The following TBC1D4 variants were observed in gnomAD, a reference collection of about 807,000 sequenced individuals.
TBC1D4 encodes the protein TBC1 domain family member 4.
TBC1D4 carries 121 observed loss-of-function variants against 142.5 expected under a neutral mutation model. The ratio of observed to expected loss-of-function variants is 0.85; its 90% CI spans 0.73 to 0.99. TBC1D4 has a LOEUF of 0.99. Ranked by LOEUF, TBC1D4 falls within the 50% of genes least tolerant of loss-of-function variation. TBC1D4 has a pLI of 0.00. For missense variants in TBC1D4, 1,475 were observed against 1,606.6 expected (o/e 0.92, Z 1.40); for synonymous variants, 630 against 628.2 (o/e 1.00, Z -0.04).
chr13:75,364,299 T>A (rs1318535884), intron 1 of TBC1D4, among the ~76,000 whole-genome samples: 1 of 152,322 alleles, frequency 6.6e-6, no homozygotes, highest in East Asian at 1.9e-4. Flanking sequence ...TATTGCCACA[T>A]CCATTTAATA....
intron 7 of TBC1D4, 88 bp downstream of exon 7, chr13:75,341,037 C>G: frequency 8.8e-7 from 1 of 1,130,006 alleles, no homozygotes; most frequent in Non-Finnish European, 1.3e-6. Context: ...AGGACTTTAG[C>G]CCTAAAGAAC....
At chr13:75,341,288 T>A in intron 6 of TBC1D4, 53 bp from the exon 7 acceptor site, 1 of 1,528,066 alleles carries the variant, frequency 6.5e-7, no homozygotes, top group Admixed American at 1.7e-5. Context: ...TTCCCTCCTT[T>A]TATTCTGTCG....
intron 5 of TBC1D4, among the ~76,000 whole-genome samples, chr13:75,348,954 A>AGAGAGTGTGTGTGT (rs969343152): frequency 1.4e-5 from 2 of 139,166 alleles, no homozygotes; most frequent in South Asian, 4.9e-4. Flanking sequence ...AGAGAGAGAG[A>AGAGAGTGTGTGTGT]GTGTGTGTGT....
chr13:75,327,742 AGT>A lies in TBC1D4; in HGVS notation c.1806+8_1806+9del. 6.2e-7 allele frequency: 1 copy of A among 1,613,904 alleles called. No homozygotes were observed. The highest frequency in any genetic ancestry group is 1.1e-5 in the South Asian group (1 of 91,076). On this transcript the variant is annotated splice_region_variant and intron_variant, in intron 9 of 20. Coordinates refer to ENST00000377636, the MANE Select transcript of TBC1D4 (RefSeq NM_014832.5). ...GTTGCAATTAGTGTAAACAAGCTCT[AGT>A]TAGATACCTTCTCTGAAGCAAGACT... is the stretch of plus-strand genomic sequence containing the variant.
chr13:75,466,763 C>T (rs146885574), intron 1 of TBC1D4, among the ~76,000 whole-genome samples: 7,600 of 151,786 alleles, frequency 0.05, 367 homozygotes, highest in East Asian at 0.23. Flanking sequence ...CCAAGCAACT[C>T]GGGAGGCTGA....
At chr13:75,294,572 ACT>A (rs1875690673) in intron 18 of TBC1D4, among the ~76,000 whole-genome samples, 2 of 152,158 alleles carry the variant, frequency 1.3e-5, no homozygotes, top group East Asian at 1.9e-4. Flanking sequence ...TTAGGAGTAT[ACT>A]CTCTGATTTT....
intron 1 of TBC1D4, among the ~76,000 whole-genome samples, chr13:75,458,971 T>C (rs1344740093): frequency 1.3e-5 from 2 of 152,102 alleles, no homozygotes; most frequent in African/African-American, 4.8e-5. Flanking sequence ...TCTGCCATTC[T>C]TTTGCCTCAA....
intron 1 of TBC1D4, among the ~76,000 whole-genome samples, chr13:75,433,924 T>C (rs1886688468): frequency 6.6e-6 from 1 of 152,156 alleles, no homozygotes; most frequent in Admixed American, 6.6e-5. Context: ...TCAATATCAC[T>C]GATCATTAGA....
At chr13:75,335,748 C>T (rs1410957383) in intron 8 of TBC1D4, among the ~76,000 whole-genome samples, 1 of 152,100 alleles carries the variant, frequency 6.6e-6, no homozygotes, top group Non-Finnish European at 1.5e-5. Flanking sequence ...TGTCTCACTC[C>T]CCCTTTGCCT....
intron 1 of TBC1D4, among the ~76,000 whole-genome samples, chr13:75,371,440 A>C (rs9573531): frequency 0.25 from 37,812 of 152,090 alleles, 5,005 homozygotes; most frequent in African/African-American, 0.34. Flanking sequence ...GCAGAATAGA[A>C]AGGCACAGGT....
intron 5 of TBC1D4, among the ~76,000 whole-genome samples, chr13:75,346,307 C>T (rs535124589): frequency 2.6e-5 from 4 of 152,250 alleles, no homozygotes; most frequent in African/African-American, 9.6e-5. Context: ...GACCCCCACC[C>T]CTTGACAGGC....
In TBC1D4 at chr13:75,481,260, C is replaced by T; in HGVS notation, c.498+10G>A. On this transcript the variant is annotated intron_variant, in intron 1 of 20. Transcript: ENST00000377636. ...GAGCCCGCCCCCGCGCCTCCGAGCC[C>T]CTGTCTTGCCTGGCTGGGGTCTGTG... 1.7e-5 allele frequency: 28 copies of T among 1,612,824 alleles called. No homozygotes were observed. The highest frequency in any genetic ancestry group is 2.4e-5 in the Non-Finnish European group (28 of 1,179,318).
intron 1 of TBC1D4, among the ~76,000 whole-genome samples, chr13:75,472,286 G>A (rs1379348705): frequency 6.6e-6 from 1 of 151,872 alleles, no homozygotes; most frequent in African/African-American, 2.4e-5. Flanking sequence ...GGGTGTGCTG[G>A]CAGGCGCCTG....
chr13:75,332,085 A>G (rs560062004), intron 8 of TBC1D4, among the ~76,000 whole-genome samples: 1 of 152,346 alleles, frequency 6.6e-6, no homozygotes, highest in African/African-American at 2.4e-5. Context: ...ATGTCATTAC[A>G]GCAATTGAAG....
chr13:75,321,669 T>C (rs1878793291), intron 11 of TBC1D4, among the ~76,000 whole-genome samples: 1 of 152,164 alleles, frequency 6.6e-6, no homozygotes, highest in African/African-American at 2.4e-5. Flanking sequence ...AGAGAGCATT[T>C]TGTCCAACAA....
At chr13:75,446,266 T>C (rs1023926904) in intron 1 of TBC1D4, among the ~76,000 whole-genome samples, 6 of 152,232 alleles carry the variant, frequency 3.9e-5, no homozygotes, top group Non-Finnish European at 8.8e-5. Flanking sequence ...AGTGAACTAT[T>C]TTAAATAAAG....
chr13:75,395,801 G>C (rs916677203), intron 1 of TBC1D4, among the ~76,000 whole-genome samples: 1 of 152,196 alleles, frequency 6.6e-6, no homozygotes, highest in Non-Finnish European at 1.5e-5. Flanking sequence ...CTGCACTCCA[G>C]CCTGGGCAAC....
At chr13:75,298,236 C>G (rs2137870072) in intron 17 of TBC1D4, among the ~76,000 whole-genome samples, 1 of 152,260 alleles carries the variant, frequency 6.6e-6, no homozygotes, top group East Asian at 1.9e-4. Context: ...TTAAAGTCTT[C>G]TTTTATATTT....
intron 1 of TBC1D4, among the ~76,000 whole-genome samples, chr13:75,405,265 T>C (rs919946879): frequency 7.6e-6 from 1 of 132,290 alleles, no homozygotes; most frequent in African/African-American, 2.7e-5. Flanking sequence ...TACATGTATA[T>C]ATGCTTTTTT....
Sources: allele counts gnomAD v4.1 joint callset (sites outside exome capture counted in the v4.1 genomes callset), GRCh38; gene constraint gnomAD v4.1.1; transcripts MANE v1.5; gene names NCBI Gene and HGNC (gene_info 2026-07-23, HGNC 2026-07-21).